The following DNAJA1 variants were observed in gnomAD, a reference collection of about 807,000 sequenced individuals.
DNAJA1 encodes dnaJ homolog subfamily A member 1.
A neutral mutation model predicts 47.6 loss-of-function variants in DNAJA1; 26 were observed. The observed-to-expected ratio is 0.55, with a 90% CI of 0.40 to 0.76. The LOEUF (loss-of-function observed/expected upper bound fraction) is 0.76. DNAJA1 is among the 30% of genes least tolerant of loss of function. DNAJA1 has a pLI of 0.00. For missense variants in DNAJA1, 315 were observed against 485.0 expected, an observed-to-expected ratio of 0.65 and a Z score of 3.29; for synonymous variants, 165 against 158.4, an observed-to-expected ratio of 1.04 and a Z score of -0.31.
At position 33,036,620 on chromosome 9, in the gene DNAJA1, G is replaced by A. The variant is rs1819036554; in HGVS notation, c.805G>A (p.Ala269Thr). 6.2e-7 allele frequency: 1 copy of A among 1,613,856 alleles called. No individual in the cohort carries two copies. Among genetic ancestry groups the A allele is most frequent in the African/African-American group, 1.3e-5 (1 of 74,910 alleles). ...GTGTATGGACATACAGCTCGTTGAA[G>A]CACTGTGTGGCTTCCAGAAGCCAAT... Reference protein sequence around the residue: ...FMCMDIQLVEALCGFQKPIST... With the variant: ...FMCMDIQLVETLCGFQKPIST... The change falls in exon 7 of 9, where the codon GCA becomes ACA. Residue 269 changes from alanine (A) to threonine (T), a missense_variant. By Grantham distance (58) the Ala-to-Thr change is moderately conservative. Coordinates refer to ENST00000330899, the MANE Select transcript of DNAJA1 (RefSeq NM_001539.4).
chr9:33,025,319 A>T lies in DNAJA1; in HGVS notation c.-75A>T, dbSNP rs1838782869. ...GGTGAGAGGCGGAGGAGCGGTAACT[A>T]CCCCGGCTGCGCACAGCTCGGCGCT... On this transcript the variant is annotated 5_prime_UTR_variant, in exon 1 of 9. Coordinates refer to ENST00000330899, the MANE Select transcript of DNAJA1 (RefSeq NM_001539.4). 6.6e-6 allele frequency: 1 copy of T among 151,844 alleles called. No homozygotes were observed. The highest frequency in any genetic ancestry group is 1.5e-5 in the Non-Finnish European group (1 of 67,910). The allele number at this position is 151,844 out of a possible 1,614,324, so 9.4% of individuals were successfully genotyped here.
At chr9:33,030,772 C>A in intron 5 of DNAJA1, 105 bp downstream of exon 5, 1 of 987,612 alleles carries the variant, frequency 1.0e-6, no homozygotes, top group Non-Finnish European at 1.5e-6. Flanking sequence ...TATATATGAT[C>A]CTATCAATCA....
chr9:33,028,715 T>C (rs1333626450), intron 3 of DNAJA1, among the ~76,000 whole-genome samples: 1 of 152,202 alleles, frequency 6.6e-6, no homozygotes, highest in Non-Finnish European at 1.5e-5. Flanking sequence ...ATGATCATAT[T>C]GAGAGGTTAT....
rs576066227 is a variant in DNAJA1, at chr9:33,037,367, AC to A, written c.975+253del. On this transcript the variant is annotated intron_variant, in intron 8 of 8. Transcript: ENST00000330899. ...CTGAATGCCTCAGAACCTGAAACTT[AC>A]ATTTTTCCACAGCAAGAAATATATG... The A allele has an allele frequency of 1.5e-3, 456 of 305,560 alleles. 4 individuals carry two copies. Among genetic ancestry groups the A allele is most frequent in the African/African-American group, 9.3e-3 (429 of 46,076 alleles). The allele number at this position is 305,560 out of a possible 1,614,324, so 18.9% of individuals were successfully genotyped here.
Position 33,026,864 on chromosome 9 carries a change from G to A in DNAJA1, c.184G>A (p.Glu62Lys). 1 of 1,614,180 alleles carries A rather than the reference G, an allele frequency of 6.2e-7. No homozygotes were observed. Among genetic ancestry groups the A allele is most frequent in the Non-Finnish European group, 8.5e-7 (1 of 1,180,028 alleles). The change falls in exon 3 of 9, where the codon GAA becomes AAA. Residue 62 changes from glutamate (E) to lysine (K), a missense_variant. Physicochemically the swap from Glu to Lys is moderately conservative, Grantham distance 56 (BLOSUM62 1). Around this residue, in one of 4 missense-constraint regions of DNAJA1, gnomAD observed 100 missense variants for 163.0 expected, o/e 0.61. Transcript: ENST00000330899. ...AGTTCTCTCTGATGCAAAGAAAAGG[G>A]AATTATATGACAAAGGAGGAGAACA... is the stretch of plus-strand genomic sequence containing the variant. The part of the protein sequence containing the change: ...YEVLSDAKKR[E>K]LYDKGGEQAI...
chr9:33,027,366 G>A (rs989304874), intron 3 of DNAJA1, among the ~76,000 whole-genome samples: 5 of 151,828 alleles, frequency 3.3e-5, no homozygotes, highest in Admixed American at 2.6e-4. Context: ...TGTTGGTCAC[G>A]CTGGTCTTGA....
chr9:33,035,215 C>T (rs1410820502), intron 6 of DNAJA1, among the ~76,000 whole-genome samples: 1 of 151,826 alleles, frequency 6.6e-6, no homozygotes, highest in African/African-American at 2.4e-5. Context: ...GGTGAAATGC[C>T]ATCTCTGTTA....
chr9:33,030,423 T>A lies in DNAJA1; in HGVS notation c.416-17T>A, dbSNP rs1251888653. On this transcript the variant is annotated splice_polypyrimidine_tract_variant and intron_variant, in intron 4 of 8. Coordinates refer to ENST00000330899, the MANE Select transcript of DNAJA1 (RefSeq NM_001539.4). ...ACTACTAATTCATACATTATTTAAT[T>A]TTCTTTTTAAATTTAGGTAGAGGAG... is the stretch of plus-strand genomic sequence containing the variant. 3 of 1,599,940 alleles carry A rather than the reference T, an allele frequency of 1.9e-6. No homozygotes were observed. In the Admixed American group the frequency reaches 5.0e-5, roughly 27 times the overall value.
intron 5 of DNAJA1, among the ~76,000 whole-genome samples, chr9:33,030,992 A>AT (rs1838952441): frequency 1.3e-5 from 2 of 152,360 alleles, no homozygotes; most frequent in African/African-American, 4.8e-5. Flanking sequence ...CTTTTAAAAC[A>AT]TTAGAATTGT....
At chr9:33,030,372 T>G (rs1838941871) in intron 4 of DNAJA1, 68 bp from the exon 5 acceptor site, 8 of 1,446,190 alleles carry the variant, frequency 5.5e-6, no homozygotes, top group Middle Eastern at 2.5e-4. Context: ...AGGAATTGTC[T>G]TCTTAAAACA....
At chr9:33,028,115 C>A in intron 3 of DNAJA1, among the ~76,000 whole-genome samples, 1 of 151,308 alleles carries the variant, frequency 6.6e-6, no homozygotes, top group South Asian at 2.1e-4. Context: ...TGTTCCCTCA[C>A]TCCCCAAAGG....
intron 5 of DNAJA1, among the ~76,000 whole-genome samples, chr9:33,032,021 C>T (rs1191246673): frequency 6.6e-6 from 1 of 152,024 alleles, no homozygotes; most frequent in African/African-American, 2.4e-5. Context: ...GTATATAACC[C>T]CAGAAGGAAA....
chr9:33,035,854 G>T (rs1027428130), intron 6 of DNAJA1, among the ~76,000 whole-genome samples: 1 of 152,160 alleles, frequency 6.6e-6, no homozygotes, highest in African/African-American at 2.4e-5. Flanking sequence ...AATATGAAAG[G>T]CTGTGTTCAC....
chr9:33,026,413 C>T, intron 1 of DNAJA1, 62 bp from the exon 2 acceptor site: 4 of 1,556,204 alleles, frequency 2.6e-6, no homozygotes, highest in Admixed American at 2.2e-5. Flanking sequence ...TCGGCCTTAG[C>T]TCTCTTTTTT....
chr9:33,029,411 A>T (rs974181995), intron 3 of DNAJA1, among the ~76,000 whole-genome samples: 24 of 152,384 alleles, frequency 1.6e-4, no homozygotes, highest in South Asian at 1.4e-3. Context: ...CTCAATAAAT[A>T]CATCAGCTTC....
In DNAJA1 at chr9:33,038,662, AAC is replaced by A. The variant is rs750594107; in HGVS notation, c.976-21_976-20del. 5.4e-5 allele frequency: 86 copies of A among 1,607,132 alleles called. 1 individual carries two copies. In the South Asian group the frequency reaches 9.5e-4, roughly 18 times the overall value. ...GGGAGCTAATGATGAAATCAGATTG[AAC>A]AGTGAAAGTTTCTTTTGAAGGTAAA... On this transcript the variant is annotated intron_variant, in intron 8 of 8. Coordinates refer to ENST00000330899, the MANE Select transcript of DNAJA1 (RefSeq NM_001539.4).
At chr9:33,038,279 T>C (rs1336501565) in intron 8 of DNAJA1, among the ~76,000 whole-genome samples, 3 of 152,106 alleles carry the variant, frequency 2.0e-5, no homozygotes, top group Non-Finnish European at 2.9e-5. Context: ...GTAATCCCAA[T>C]TGTATGAGCC....
At chr9:33,027,030 G>C (rs774433281) in intron 3 of DNAJA1, 40 bp downstream of exon 3, 3 of 1,612,196 alleles carry the variant, frequency 1.9e-6, no homozygotes, top group Non-Finnish European at 2.5e-6. Flanking sequence ...ACTAAAGTTA[G>C]CTGTTGGTCA....
intron 1 of DNAJA1, among the ~76,000 whole-genome samples, chr9:33,025,680 G>C (rs1031660902): frequency 9.5e-5 from 14 of 146,976 alleles, no homozygotes; most frequent in South Asian, 2.1e-4. Context: ...CCCCCTCCCC[G>C]TCCGTGCTCG....
Sources: gnomAD v4.1 joint callset for allele counts (sites outside exome capture counted in the v4.1 genomes callset) on GRCh38, gnomAD v4.1.1 for gene constraint, gnomAD v4.1.1 regional missense constraint, MANE v1.5 for transcripts, NCBI Gene and HGNC (gene_info 2026-07-23, HGNC 2026-07-21) for gene names.